UROC1: variants seen among roughly 807,000 people sequenced by gnomAD.
The protein encoded by UROC1 is urocanate hydratase.
In UROC1, 79 loss-of-function variants were observed where a neutral mutation model predicts 89.5. The ratio of observed to expected loss-of-function variants is 0.88; its 90% CI spans 0.74 to 1.06. The LOEUF (loss-of-function observed/expected upper bound fraction) is 1.06. UROC1 is among the 50% of genes least tolerant of loss of function. The probability of loss-of-function intolerance (pLI) is 0.00; values close to 1 mark genes in which losing one functional copy is unlikely to be tolerated. For missense variants in UROC1, 885 were observed against 907.8 expected, an observed-to-expected ratio of 0.97 and a Z score of 0.32; for synonymous variants, 361 against 354.8, an observed-to-expected ratio of 1.02 and a Z score of -0.20.
At chr3:126,502,262 T>C (rs1380384078) in intron 9 of UROC1, among the ~76,000 whole-genome samples, 1 of 149,838 alleles carries the variant, frequency 6.7e-6, no homozygotes, top group Non-Finnish European at 1.5e-5. Flanking sequence ...TATGTGTGTG[T>C]GCGCCTGTGT....
chr3:126,500,459 C>T (rs1321236902), intron 11 of UROC1, among the ~76,000 whole-genome samples: 1 of 152,208 alleles, frequency 6.6e-6, no homozygotes, highest in African/African-American at 2.4e-5. Flanking sequence ...ATCTACTTGG[C>T]GCCATGCCGG....
intron 1 of UROC1, among the ~76,000 whole-genome samples, chr3:126,515,014 C>T (rs552026069): frequency 3.3e-5 from 5 of 152,150 alleles, no homozygotes; most frequent in African/African-American, 1.2e-4. Context: ...GGGAGCCGCC[C>T]GTAGCCCTCA....
chr3:126,502,621 T>C (rs1935959401), intron 9 of UROC1, among the ~76,000 whole-genome samples: 1 of 151,776 alleles, frequency 6.6e-6, no homozygotes, highest in South Asian at 2.1e-4. Flanking sequence ...TATGTGTATG[T>C]GTGTGTTTAT....
intron 6 of UROC1, 141 bp from the exon 7 acceptor site, chr3:126,506,152 G>C (rs980800203): frequency 5.9e-5 from 53 of 903,132 alleles, no homozygotes; most frequent in Non-Finnish European, 9.1e-5. Flanking sequence ...ATAAAATAGA[G>C]AGAGCACAGA....
At chr3:126,485,709 C>G (rs929087213) in intron 18 of UROC1, among the ~76,000 whole-genome samples, 1 of 150,400 alleles carries the variant, frequency 6.6e-6, no homozygotes, top group African/African-American at 2.4e-5. Context: ...GGACTATAGG[C>G]GTGCACCACT....
chr3:126,508,097 T>TGG lies in UROC1; in HGVS notation c.412-4_412-3dup. 1 of 1,613,692 alleles carries TGG rather than the reference T, an allele frequency of 6.2e-7. No homozygotes were observed. Among genetic ancestry groups the TGG allele is most frequent in the East Asian group, 2.2e-5 (1 of 44,888 alleles). ...CAAGTAGAACATGGTCAGCCAGAAC[T>TGG]GGGGGAAGAGCAGAGCGTGGGGATT... is the stretch of plus-strand genomic sequence containing the variant. On this transcript the variant is annotated splice_region_variant and splice_polypyrimidine_tract_variant and intron_variant, in intron 4 of 19. Transcript: ENST00000290868.
intron 1 of UROC1, 38 bp from the exon 2 acceptor site, chr3:126,510,832 C>A (rs1209920467): frequency 1.2e-6 from 2 of 1,605,152 alleles, no homozygotes; most frequent in South Asian, 1.1e-5. Context: ...GGGGCTGGGA[C>A]TCCAGGCCCG....
chr3:126,503,921 A>T, intron 9 of UROC1, 74 bp downstream of exon 9: 1 of 1,566,070 alleles, frequency 6.4e-7, no homozygotes. Context: ...AAGCTGCCCC[A>T]TGGGGGTCCT....
Position 126,508,426 on chromosome 3 carries a change from T to C in UROC1, c.401A>G (p.Asn134Ser). The C allele has an allele frequency of 6.2e-7, 1 of 1,613,898 alleles. No homozygotes were observed. Among genetic ancestry groups the C allele is most frequent in the Admixed American group, 1.7e-5 (1 of 59,998 alleles). Reference sequence around the variant, plus strand: ...CACGGTGTGCAGTACCTGAGCCCAGTTGCTGAACACCTGCCCATTTCCTCC... The same window carrying C: ...CACGGTGTGCAGTACCTGAGCCCAGCTGCTGAACACCTGCCCATTTCCTCC... Reference protein sequence around the residue: ...TYGGNGQVFSNWAQFWLTMFY... With the variant: ...TYGGNGQVFSSWAQFWLTMFY... Residue 134 changes from asparagine to serine, a missense_variant, in exon 4 of 20, where the codon AAC becomes AGC. Coordinates refer to ENST00000290868, the MANE Select transcript of UROC1 (RefSeq NM_144639.3).
chr3:126,486,445 C>A (rs1302519916), intron 18 of UROC1, among the ~76,000 whole-genome samples: 1 of 152,262 alleles, frequency 6.6e-6, no homozygotes, highest in African/African-American at 2.4e-5. Context: ...GCGGTCCAAA[C>A]GTCCACCTGA....
chr3:126,500,134 G>A lies in UROC1; in HGVS notation c.1166C>T (p.Ala389Val). ...CTTCTCCTCGGCCAACCTGTTGATG[G>A]CTGAGACTTGCCTCCTCAGGCTGCA... Reference protein sequence around the residue: ...VQESLRRQVSAINRLAEEKFF... With the variant: ...VQESLRRQVSVINRLAEEKFF... Residue 389 changes from alanine to valine, a missense_variant, in exon 12 of 20, where the codon GCC becomes GTC. Coordinates refer to ENST00000290868, the MANE Select transcript of UROC1 (RefSeq NM_144639.3). 6.2e-7 allele frequency: 1 copy of A among 1,613,810 alleles called. No homozygotes were observed. The highest frequency in any genetic ancestry group is 8.5e-7 in the Non-Finnish European group (1 of 1,179,992).
rs927668321 is a variant in UROC1, at chr3:126,482,001, A to C, written c.*344T>G. The C allele has an allele frequency of 1.2e-5, 4 of 332,638 alleles. No homozygotes were observed. Among genetic ancestry groups the C allele is most frequent in the African/African-American group, 8.4e-5 (4 of 47,618 alleles). 20.6% of individuals were successfully genotyped at this position (332,638 alleles called of 1,614,324 possible). Reference sequence around the variant, plus strand: ...GTTGCATGGAGGCTGGCAGGTGGCCAGGAAGCAGAGGGTGTGATCATCCCA... The same window carrying C: ...GTTGCATGGAGGCTGGCAGGTGGCCCGGAAGCAGAGGGTGTGATCATCCCA... On this transcript the variant is annotated 3_prime_UTR_variant, in exon 20 of 20. Coordinates refer to ENST00000290868, the MANE Select transcript of UROC1 (RefSeq NM_144639.3).
Position 126,508,190 on chromosome 3 carries a change from G to C in UROC1, c.412-95C>G, listed in dbSNP as rs1443784134. On this transcript the variant is annotated intron_variant, in intron 4 of 19. Coordinates refer to ENST00000290868, the MANE Select transcript of UROC1 (RefSeq NM_144639.3). ...GTCCACGCCTGGACAGCTCCCACAG[G>C]CCCCCAGGTCTCCATTCCACTCCAG... 6.8e-6 allele frequency: 11 copies of C among 1,606,304 alleles called. No homozygotes were observed. The Admixed American group carries it at 1.8e-4, about 27-fold the overall frequency.
rs1038363254 is a variant in UROC1, at chr3:126,486,932, C to T, written c.1790+1266G>A. On this transcript the variant is annotated intron_variant, in intron 18 of 19. Coordinates refer to ENST00000290868, the MANE Select transcript of UROC1 (RefSeq NM_144639.3). ...GATGGGTCCCAGGATGAATTTGTGGCACTTTCCCAAAACACCCCTCAAGGG... is the reference window on the plus strand; with the variant it reads ...GATGGGTCCCAGGATGAATTTGTGGTACTTTCCCAAAACACCCCTCAAGGG... Among the ~76,000 whole-genome samples, 94 of 152,332 alleles carry T rather than the reference C, an allele frequency of 6.2e-4. 1 individual carries two copies. The highest frequency in any genetic ancestry group is 3.4e-3 in the Middle Eastern group (1 of 294).
chr3:126,488,847 G>A (rs1935577906), intron 17 of UROC1, among the ~76,000 whole-genome samples: 1 of 152,234 alleles, frequency 6.6e-6, no homozygotes, highest in Non-Finnish European at 1.5e-5. Flanking sequence ...CAGCGGTAAA[G>A]GCGTTTGCAC....
rs369681554 is a variant in UROC1, at chr3:126,496,832, G to A, written c.1439-724C>T. Among the ~76,000 whole-genome samples, 32 of 152,320 alleles carry A rather than the reference G, an allele frequency of 2.1e-4. No individual in the cohort carries two copies. The East Asian group carries it at 4.6e-3, about 22-fold the overall frequency. ...TCACTCCTGTGACTTCACAGCCTTC[G>A]ACTAGAGTATCTGCCTGGTGGAGAT... is the stretch of plus-strand genomic sequence containing the variant. On this transcript the variant is annotated intron_variant, in intron 14 of 19. Coordinates refer to ENST00000290868, the MANE Select transcript of UROC1 (RefSeq NM_144639.3).
intron 4 of UROC1, 68 bp from the exon 5 acceptor site, chr3:126,508,163 C>T: frequency 6.2e-7 from 1 of 1,611,582 alleles, no homozygotes; most frequent in Non-Finnish European, 8.5e-7. Context: ...CCCCACACCA[C>T]CGTCCACGCC....
At chr3:126,517,237 C>T (rs1687481) in intron 1 of UROC1, among the ~76,000 whole-genome samples, 46,219 of 152,058 alleles carry the variant, frequency 0.3, 7,212 homozygotes, top group Admixed American at 0.36. Flanking sequence ...AAGAGCTGAC[C>T]TGTGTGCAAA....
rs779363847 is a variant in UROC1, at chr3:126,507,988, C to A, written c.519G>T (p.Arg173=). 6.2e-7 allele frequency: 1 copy of A among 1,613,996 alleles called. No individual in the cohort carries two copies. Among genetic ancestry groups the A allele is most frequent in the Admixed American group, 1.7e-5 (1 of 60,034 alleles). ...GLFPSSRSAP[R]LVITNGMVIP... ...CCACCATCCCATTGGTGATGACGAG[C>A]CGTGGGGCACTGCGGCTGCTGGGAA... is the stretch of plus-strand genomic sequence containing the variant. The change falls in exon 5 of 20, where the codon CGG becomes CGT. Residue 173 remains arginine (R), a synonymous_variant. Transcript: ENST00000290868.
Sources: gnomAD v4.1 joint callset for allele counts (sites outside exome capture counted in the v4.1 genomes callset) on GRCh38, gnomAD v4.1.1 for gene constraint, MANE v1.5 for transcripts, NCBI Gene and HGNC (gene_info 2026-07-23, HGNC 2026-07-21) for gene names.